SETBP1: variants seen among roughly 807,000 people sequenced by gnomAD.
SETBP1 encodes SET-binding protein.
Under a neutral mutation model 101.0 loss-of-function variants are expected in SETBP1, and 9 were observed. That is an observed-to-expected ratio of 0.09 (90% confidence interval 0.05 to 0.16). The LOEUF (loss-of-function observed/expected upper bound fraction) is 0.16, where lower values mean the gene tolerates loss of function less well. Ranked by LOEUF, SETBP1 falls within the 10% of genes least tolerant of loss-of-function variation. The probability of loss-of-function intolerance (pLI) is 1.00; values close to 1 mark genes in which losing one functional copy is unlikely to be tolerated. For synonymous variants in SETBP1, 818 were observed against 788.5 expected, an observed-to-expected ratio of 1.04 and a Z score of -0.63; for missense variants, 1,858 against 2,033.8, an observed-to-expected ratio of 0.91 and a Z score of 1.66.
rs146412658 is a variant in SETBP1, at chr18:45,036,848, A to G, written c.4001-1637A>G. Among the ~76,000 whole-genome samples the G allele has an allele frequency of 2.2e-4, 33 of 152,324 alleles. 1 individual carries two copies. In the East Asian group the frequency reaches 6.4e-3, roughly 29 times the overall value. ...CAGCAGACTGGGGTCATGATCAGGTATTAGAGTTTGGCCAGGTGGACCAAT... is the reference window on the plus strand; with the variant it reads ...CAGCAGACTGGGGTCATGATCAGGTGTTAGAGTTTGGCCAGGTGGACCAAT... On this transcript the variant is annotated intron_variant, in intron 4 of 5. Transcript: ENST00000649279.
intron 4 of SETBP1, among the ~76,000 whole-genome samples, chr18:44,968,313 C>T (rs1303031554): frequency 6.6e-6 from 1 of 152,132 alleles, no homozygotes; most frequent in Non-Finnish European, 1.5e-5. Context: ...GATAGGGCTC[C>T]TGTACTCATG....
At chr18:44,930,636 G>T (rs935360904) in intron 3 of SETBP1, among the ~76,000 whole-genome samples, 2 of 152,100 alleles carry the variant, frequency 1.3e-5, no homozygotes, top group African/African-American at 4.8e-5. Flanking sequence ...TCTATTCAGG[G>T]ATTCAACTTC....
At chr18:45,040,332 C>A (rs867938879) in intron 5 of SETBP1, among the ~76,000 whole-genome samples, 1 of 151,070 alleles carries the variant, frequency 6.6e-6, no homozygotes, top group Non-Finnish European at 1.5e-5. Flanking sequence ...ATTAGTAGCA[C>A]CTTGGTGGGA....
chr18:45,010,817 T>C (rs1700923581), intron 4 of SETBP1, among the ~76,000 whole-genome samples: 1 of 152,212 alleles, frequency 6.6e-6, no homozygotes, highest in Non-Finnish European at 1.5e-5. Flanking sequence ...TACTAATATT[T>C]ACAGATGAGA....
chr18:44,852,069 A>G (rs2072879013), intron 2 of SETBP1, among the ~76,000 whole-genome samples: 1 of 152,190 alleles, frequency 6.6e-6, no homozygotes, highest in African/African-American at 2.4e-5. Flanking sequence ...ATCCATCCTA[A>G]TCACTTTTGA....
At chr18:45,009,786 C>T (rs2072801647) in intron 4 of SETBP1, among the ~76,000 whole-genome samples, 1 of 152,260 alleles carries the variant, frequency 6.6e-6, no homozygotes, top group South Asian at 2.1e-4. Context: ...TGCATTGTTG[C>T]ATACCATGCC....
chr18:44,911,863 T>C (rs1308350686), intron 3 of SETBP1, among the ~76,000 whole-genome samples: 2 of 152,124 alleles, frequency 1.3e-5, no homozygotes, highest in Non-Finnish European at 2.9e-5. Context: ...TGTGTAAGCC[T>C]TCGTATTTAC....
chr18:44,886,129 T>G (rs1213555959), intron 3 of SETBP1, among the ~76,000 whole-genome samples: 1 of 152,052 alleles, frequency 6.6e-6, no homozygotes, highest in Non-Finnish European at 1.5e-5. Context: ...ATAAAGTTAA[T>G]AATAAAAATT....
chr18:44,725,970 T>C (rs2144364605), intron 2 of SETBP1, among the ~76,000 whole-genome samples: 1 of 152,184 alleles, frequency 6.6e-6, no homozygotes, highest in African/African-American at 2.4e-5. Context: ...ATGAGAAGCT[T>C]CAAAGGGGAT....
intron 2 of SETBP1, among the ~76,000 whole-genome samples, chr18:44,732,179 CAGAT>C (rs746613106): frequency 2.0e-5 from 3 of 152,282 alleles, no homozygotes; most frequent in Non-Finnish European, 2.9e-5. Context: ...GATTACCACT[CAGAT>C]AGACGATCAC....
intron 4 of SETBP1, chr18:44,989,340 T>C (rs189046491): frequency 2.2e-4 from 34 of 152,280 alleles, no homozygotes; most frequent in African/African-American, 5.8e-4. Context: ...ATGGATGATG[T>C]AGCAAATTAG....
At chr18:44,730,256 C>G (rs994299995) in intron 2 of SETBP1, among the ~76,000 whole-genome samples, 2 of 152,158 alleles carry the variant, frequency 1.3e-5, no homozygotes, top group Non-Finnish European at 2.9e-5. Context: ...TTTATTCTGT[C>G]TATTCTACAT....
intron 4 of SETBP1, among the ~76,000 whole-genome samples, chr18:45,028,696 T>C (rs377300537): frequency 1.3e-4 from 20 of 152,168 alleles, no homozygotes; most frequent in Non-Finnish European, 2.4e-4. Flanking sequence ...TTTTAATGAT[T>C]GCCATTCTAA....
intron 4 of SETBP1, among the ~76,000 whole-genome samples, chr18:44,963,170 A>G (rs1261899622): frequency 1.3e-5 from 2 of 152,154 alleles, no homozygotes; most frequent in Admixed American, 6.5e-5. Context: ...TTTTCCCACT[A>G]TATTTCTTAA....
At chr18:44,876,318 G>A (rs948779481) in intron 3 of SETBP1, among the ~76,000 whole-genome samples, 3 of 152,144 alleles carry the variant, frequency 2.0e-5, no homozygotes, top group Admixed American at 1.3e-4. Context: ...AGGAAATCCT[G>A]CAGCTGCTGC....
At chr18:44,938,385 T>G (rs896235277) in intron 3 of SETBP1, among the ~76,000 whole-genome samples, 1 of 152,230 alleles carries the variant, frequency 6.6e-6, no homozygotes, top group South Asian at 2.1e-4. Context: ...AATTAACCCA[T>G]AGAAACAATC....
intron 5 of SETBP1, among the ~76,000 whole-genome samples, chr18:45,045,027 A>T (rs2073581561): frequency 6.6e-6 from 1 of 152,170 alleles, no homozygotes; most frequent in Non-Finnish European, 1.5e-5. Flanking sequence ...CTTATGCCTG[A>T]TCCCAGCACT....
chr18:44,845,446 C>A (rs993517819), intron 2 of SETBP1, among the ~76,000 whole-genome samples: 1 of 152,222 alleles, frequency 6.6e-6, no homozygotes, highest in Non-Finnish European at 1.5e-5. Context: ...GAGCTGAATT[C>A]CCATTTAGGG....
chr18:45,030,220 AG>A (rs1458530537), intron 4 of SETBP1, among the ~76,000 whole-genome samples: 18 of 130,234 alleles, frequency 1.4e-4, no homozygotes, highest in Non-Finnish European at 2.8e-4. Context: ...TTTAGCATGA[AG>A]GGTTGTTGAA....
Sources: gnomAD v4.1 joint callset for allele counts (sites outside exome capture counted in the v4.1 genomes callset) on GRCh38, gnomAD v4.1.1 for gene constraint, MANE v1.5 for transcripts, NCBI Gene and HGNC (gene_info 2026-07-23, HGNC 2026-07-21) for gene names.